The following CTNNA2 variants were observed in gnomAD, a reference collection of about 807,000 sequenced individuals.
The protein encoded by CTNNA2 is catenin alpha-2.
A neutral mutation model predicts 101.0 loss-of-function variants in CTNNA2; 42 were observed. The ratio of observed to expected loss-of-function variants is 0.42; its 90% CI spans 0.32 to 0.54. The LOEUF is 0.54. Among genes scored for constraint, CTNNA2 ranks in the 20% least tolerant of loss-of-function variants. The pLI is 0.14. For synonymous variants in CTNNA2, 450 were observed against 456.4 expected, an observed-to-expected ratio of 0.99 and a Z score of 0.18; for missense variants, 871 against 1,223.1, an observed-to-expected ratio of 0.71 and a Z score of 4.29.
chr2:79,679,657 C>T (rs1396013036), intron 2 of CTNNA2, among the ~76,000 whole-genome samples: 1 of 152,058 alleles, frequency 6.6e-6, no homozygotes, highest in Non-Finnish European at 1.5e-5. Flanking sequence ...GAACGTTTGT[C>T]GCATTACTGT....
upstream of CTNNA2, among the ~76,000 whole-genome samples, chr2:79,512,728 C>A (rs917533335): frequency 2.0e-5 from 3 of 151,786 alleles, no homozygotes; most frequent in African/African-American, 4.8e-5. Flanking sequence ...CCCCTCCCCC[C>A]ACCTGCGGCG....
At chr2:80,286,689 T>C (rs1044395467) in intron 7 of CTNNA2, among the ~76,000 whole-genome samples, 2 of 152,154 alleles carry the variant, frequency 1.3e-5, no homozygotes, top group African/African-American at 4.8e-5. Context: ...CAGTGTATAG[T>C]CCACCTTCTT....
At chr2:79,626,875 TAATAA>T (rs78552488) in intron 1 of CTNNA2, among the ~76,000 whole-genome samples, 6,729 of 151,988 alleles carry the variant, frequency 0.044, 211 homozygotes, top group Non-Finnish European at 0.064. Flanking sequence ...ACATAGAAAC[TAATAA>T]AATAAACAAT....
At chr2:79,496,482 T>C (rs1671257053) in intron 4 of CTNNA2, among the ~76,000 whole-genome samples, 1 of 152,208 alleles carries the variant, frequency 6.6e-6, no homozygotes, top group South Asian at 2.1e-4. Context: ...TCAATGGTGT[T>C]CTTTGACAAA....
chr2:79,207,941 G>A (rs577383654), intron 2 of CTNNA2, among the ~76,000 whole-genome samples: 1 of 152,280 alleles, frequency 6.6e-6, no homozygotes, highest in South Asian at 2.1e-4. Context: ...AACTTTACCT[G>A]AGCCTTGTGG....
chr2:79,854,627 C>A (rs778891186), intron 3 of CTNNA2, among the ~76,000 whole-genome samples: 5 of 152,130 alleles, frequency 3.3e-5, no homozygotes, highest in African/African-American at 4.8e-5. Flanking sequence ...GCACTACATA[C>A]ATGTTAAAAT....
intron 4 of CTNNA2, among the ~76,000 whole-genome samples, chr2:79,395,260 C>T (rs1251818078): frequency 2.0e-5 from 3 of 151,890 alleles, no homozygotes; most frequent in Non-Finnish European, 4.4e-5. Flanking sequence ...TATTATTATA[C>T]TTTAAGTTTT....
At chr2:79,334,439 A>C (rs1312691615) in intron 3 of CTNNA2, among the ~76,000 whole-genome samples, 3 of 152,174 alleles carry the variant, frequency 2.0e-5, no homozygotes, top group Non-Finnish European at 4.4e-5. Context: ...GACAGGTGAC[A>C]CAATGAATTA....
rs891347877 is a variant in CTNNA2 at position 80,056,806 on chromosome 2, G to A, written c.1056+147009G>A. Reference sequence around the variant, plus strand: ...TCAGAACTCCCACCCACCATGAAGTGCAGTTTCCCAAGCTGATGTGCATGG... The same window carrying A: ...TCAGAACTCCCACCCACCATGAAGTACAGTTTCCCAAGCTGATGTGCATGG... On this transcript the variant is annotated intron_variant, in intron 7 of 18. Coordinates refer to ENST00000402739, the MANE Select transcript of CTNNA2 (RefSeq NM_001282597.3). Among the ~76,000 whole-genome samples, 4 of 152,284 alleles carry A rather than the reference G, an allele frequency of 2.6e-5. 1 individual carries two copies. In the South Asian group the frequency reaches 8.3e-4, roughly 32 times the overall value.
At chr2:80,603,997 T>C (rs1216677540) in intron 15 of CTNNA2, 77 bp from the exon 16 acceptor site, 1 of 1,269,662 alleles carries the variant, frequency 7.9e-7, no homozygotes, top group Non-Finnish European at 1.1e-6. Context: ...ACTAGACTCC[T>C]GGACAAAGGA....
intron 7 of CTNNA2, among the ~76,000 whole-genome samples, chr2:80,390,819 C>T (rs1488355948): frequency 2.0e-5 from 3 of 151,980 alleles, no homozygotes; most frequent in African/African-American, 7.2e-5. Flanking sequence ...GATTTATTTG[C>T]GTTAGTTTTG....
At chr2:80,245,416 T>A (rs1671245996) in intron 7 of CTNNA2, among the ~76,000 whole-genome samples, 1 of 152,260 alleles carries the variant, frequency 6.6e-6, no homozygotes, top group Non-Finnish European at 1.5e-5. Context: ...TCACATTCTT[T>A]GCTTTGAAAT....
chr2:80,008,498 C>G (rs1693538117), intron 7 of CTNNA2, among the ~76,000 whole-genome samples: 1 of 152,182 alleles, frequency 6.6e-6, no homozygotes, highest in African/African-American at 2.4e-5. Context: ...ATCACTTGCA[C>G]ATCAACTTCT....
intron 9 of CTNNA2, among the ~76,000 whole-genome samples, chr2:80,436,082 G>C (rs1341759702): frequency 6.6e-6 from 1 of 152,168 alleles, no homozygotes; most frequent in Non-Finnish European, 1.5e-5. Flanking sequence ...CCCATCCAAA[G>C]TGAGGACAAT....
intron 7 of CTNNA2, among the ~76,000 whole-genome samples, chr2:80,381,292 C>T (rs1016799615): frequency 3.3e-5 from 5 of 151,866 alleles, no homozygotes; most frequent in Non-Finnish European, 5.9e-5. Context: ...AGTGGGCTAA[C>T]AATAAGGTTA....
intron 3 of CTNNA2, among the ~76,000 whole-genome samples, chr2:79,319,357 AAC>A (rs1371375661): frequency 6.6e-6 from 1 of 152,142 alleles, no homozygotes; most frequent in African/African-American, 2.4e-5. Flanking sequence ...CCATTGGCCA[AAC>A]ACACCTGATT....
intron 14 of CTNNA2, 147 bp downstream of exon 14, chr2:80,581,966 A>G (rs1004112102): frequency 1.9e-5 from 11 of 585,706 alleles, no homozygotes; most frequent in Middle Eastern, 4.5e-4. Flanking sequence ...GTTTATAGCA[A>G]ATCACATTTT....
At chr2:80,276,883 A>G (rs1476840996) in intron 7 of CTNNA2, among the ~76,000 whole-genome samples, 1 of 152,132 alleles carries the variant, frequency 6.6e-6, no homozygotes, top group East Asian at 1.9e-4. Context: ...GAGAGGACAA[A>G]TATCCAAACC....
chr2:79,697,129 G>A (rs1684700019), intron 2 of CTNNA2, among the ~76,000 whole-genome samples: 1 of 151,956 alleles, frequency 6.6e-6, no homozygotes, highest in African/African-American at 2.4e-5. Flanking sequence ...ATATCAATAT[G>A]AGTCTTAACA....
Sources: gnomAD v4.1 joint callset for allele counts (sites outside exome capture counted in the v4.1 genomes callset) on GRCh38, gnomAD v4.1.1 for gene constraint, MANE v1.5 for transcripts, NCBI Gene and HGNC (gene_info 2026-07-23, HGNC 2026-07-21) for gene names.